CDK19: variants seen among roughly 807,000 people sequenced by gnomAD.
The protein encoded by CDK19 is cyclin-dependent kinase 19.
In CDK19, 20 loss-of-function variants were observed where a neutral mutation model predicts 68.3. That is an observed-to-expected ratio of 0.29 (90% confidence interval 0.21 to 0.43). The LOEUF (loss-of-function observed/expected upper bound fraction) is 0.43, where lower values mean the gene tolerates loss of function less well. Among genes scored for constraint, CDK19 ranks in the 20% least tolerant of loss-of-function variants. The probability of loss-of-function intolerance (pLI) is 1.00; values close to 1 mark genes in which losing one functional copy is unlikely to be tolerated. For synonymous variants in CDK19, 221 were observed against 222.8 expected (o/e 0.99, Z 0.07); for missense variants, 339 against 623.5 (o/e 0.54, Z 4.86).
At chr6:110,737,867 T>C (rs375488446) in intron 2 of CDK19, among the ~76,000 whole-genome samples, 65 of 152,320 alleles carry the variant, frequency 4.3e-4, no homozygotes, top group Middle Eastern at 3.4e-3. Context: ...ATGCTGAGTC[T>C]TCAACTCCAA....
In CDK19 at chr6:110,815,363, C is replaced by T. The variant is rs1024408634; in HGVS notation, c.-227G>A. 2.6e-5 allele frequency: 10 copies of T among 386,122 alleles called. No individual in the cohort carries two copies. The highest frequency in any genetic ancestry group is 4.0e-5 in the Non-Finnish European group (9 of 222,772). 23.9% of individuals were successfully genotyped at this position (386,122 alleles called of 1,614,324 possible). A position where few individuals can be genotyped will look rare whatever the true frequency, so the allele number is the denominator to read the frequency against. ...TCCTCCTCCTCCTCCGCGACGGCGG[C>T]GGCGGCTCCCGCAGGCACCCCCAGT... On this transcript the variant is annotated 5_prime_UTR_variant, in exon 1 of 13. Transcript: ENST00000368911.
At chr6:110,731,217 G>A (rs1015355988) in intron 2 of CDK19, among the ~76,000 whole-genome samples, 3 of 152,166 alleles carry the variant, frequency 2.0e-5, no homozygotes, top group Admixed American at 1.3e-4. Context: ...CTGCATTTTA[G>A]CATTTTAACA....
At chr6:110,782,450 T>C (rs1780888783) in intron 1 of CDK19, among the ~76,000 whole-genome samples, 1 of 152,182 alleles carries the variant, frequency 6.6e-6, no homozygotes. Context: ...GTCCTCGTCA[T>C]TCCTATTTGG....
chr6:110,619,531 T>C (rs1778577044), intron 12 of CDK19, among the ~76,000 whole-genome samples: 2 of 151,658 alleles, frequency 1.3e-5, no homozygotes, highest in South Asian at 2.1e-4. Context: ...AGTCTTCTGC[T>C]TGACTAGGCC....
intron 4 of CDK19, among the ~76,000 whole-genome samples, chr6:110,665,069 G>C (rs1400920167): frequency 6.6e-6 from 1 of 152,214 alleles, no homozygotes; most frequent in Non-Finnish European, 1.5e-5. Flanking sequence ...AACTCTGAAA[G>C]CCAAATAAGG....
chr6:110,651,877 T>A (rs2114267946), intron 4 of CDK19, among the ~76,000 whole-genome samples: 1 of 152,256 alleles, frequency 6.6e-6, no homozygotes. Flanking sequence ...ATTTCTTAGC[T>A]TCTTCAGTCT....
At chr6:110,624,883 C>A (rs796614056) in intron 8 of CDK19, among the ~76,000 whole-genome samples, 3 of 152,094 alleles carry the variant, frequency 2.0e-5, no homozygotes, top group African/African-American at 7.2e-5. Flanking sequence ...TGATCTTGGG[C>A]AAGTTAGTTA....
intron 1 of CDK19, among the ~76,000 whole-genome samples, chr6:110,773,600 A>T (rs975313603): frequency 6.6e-6 from 1 of 152,172 alleles, no homozygotes; most frequent in Non-Finnish European, 1.5e-5. Flanking sequence ...CATTATACTA[A>T]TGCTGTTTTC....
intron 2 of CDK19, among the ~76,000 whole-genome samples, chr6:110,710,261 C>T (rs1302267682): frequency 6.6e-6 from 1 of 152,176 alleles, no homozygotes; most frequent in Non-Finnish European, 1.5e-5. Context: ...AGTGTCAAGA[C>T]TCATGTGAGA....
intron 1 of CDK19, among the ~76,000 whole-genome samples, chr6:110,781,129 T>C (rs762595601): frequency 6.6e-6 from 1 of 152,178 alleles, no homozygotes; most frequent in Non-Finnish European, 1.5e-5. Flanking sequence ...CTGGCTAATT[T>C]ATAAAGAAAA....
intron 2 of CDK19, among the ~76,000 whole-genome samples, chr6:110,714,743 T>TA (rs55874730): frequency 2.8e-4 from 41 of 144,782 alleles, no homozygotes; most frequent in Non-Finnish European, 5.6e-4. Flanking sequence ...TTTTTTTTTT[T>TA]AATTTTTTGA....
chr6:110,743,590 C>G (rs1262095863), intron 2 of CDK19, among the ~76,000 whole-genome samples: 1 of 151,846 alleles, frequency 6.6e-6, no homozygotes, highest in African/African-American at 2.4e-5. Flanking sequence ...TGCACTGAGC[C>G]AAGATTGCAC....
chr6:110,734,520 GCTCTCTCTCTCTCTCTCTCT>G (rs34004722), intron 2 of CDK19, among the ~76,000 whole-genome samples: 1 of 85,732 alleles, frequency 1.2e-5, no homozygotes. Context: ...GGTGAGCACT[GCTCTCTCTCTCTCTCTCTCT>G]CTCTCTCTCT....
intron 1 of CDK19, 132 bp downstream of exon 1, chr6:110,814,877 G>A (rs766572282): frequency 1.6e-6 from 2 of 1,249,996 alleles, no homozygotes; most frequent in African/African-American, 1.6e-5. Context: ...GTCGGTGTCC[G>A]GACGCAACCC....
intron 6 of CDK19, 59 bp from the exon 7 acceptor site, chr6:110,627,204 T>C: frequency 7.8e-7 from 1 of 1,277,272 alleles, no homozygotes; most frequent in Non-Finnish European, 1.1e-6. Context: ...TTCCTAGATA[T>C]AATCCCAGCC....
At chr6:110,735,767 T>C (rs1777205200) in intron 2 of CDK19, among the ~76,000 whole-genome samples, 1 of 152,172 alleles carries the variant, frequency 6.6e-6, no homozygotes, top group Non-Finnish European at 1.5e-5. Flanking sequence ...ATAGTATATA[T>C]CACTAAAATA....
Position 110,801,684 on chromosome 6 carries a change from T to G in CDK19, c.128+13325A>C, listed in dbSNP as rs1207776538. Among the ~76,000 whole-genome samples the G allele has an allele frequency of 2.6e-5, 4 of 152,122 alleles. No individual in the cohort carries two copies. In the East Asian group the frequency reaches 7.7e-4, roughly 29 times the overall value. On this transcript the variant is annotated intron_variant, in intron 1 of 12. Coordinates refer to ENST00000368911, the MANE Select transcript of CDK19 (RefSeq NM_015076.5). ...CCACCACTGCACCCGGCTAATTTTT[T>G]GTATTTTTAGTACAGACAGGGTTTC...
intron 2 of CDK19, among the ~76,000 whole-genome samples, chr6:110,736,887 C>G (rs1777289789): frequency 6.6e-6 from 1 of 151,984 alleles, no homozygotes; most frequent in Non-Finnish European, 1.5e-5. Context: ...CAATATTATT[C>G]AAGAGAAAAA....
chr6:110,749,774 CTATTT>C (rs1200549054), intron 1 of CDK19, among the ~76,000 whole-genome samples: 2 of 151,452 alleles, frequency 1.3e-5, no homozygotes, highest in Non-Finnish European at 2.9e-5. Context: ...AATGACCACA[CTATTT>C]TTTTTTTTTT....
Sources: gnomAD v4.1 joint callset for allele counts (sites outside exome capture counted in the v4.1 genomes callset) on GRCh38, gnomAD v4.1.1 for gene constraint, MANE v1.5 for transcripts, NCBI Gene and HGNC (gene_info 2026-07-23, HGNC 2026-07-21) for gene names.